Variants in ODC1 observed in about 807,000 individuals in gnomAD.
ODC1 encodes ornithine decarboxylase 1.
ODC1 carries 18 observed loss-of-function variants against 41.5 expected under a neutral mutation model. The observed-to-expected ratio is 0.43, with a 90% CI of 0.30 to 0.64. The LOEUF (loss-of-function observed/expected upper bound fraction) is 0.64, where lower values mean the gene tolerates loss of function less well. ODC1 is among the 30% of genes least tolerant of loss of function. The pLI is 0.11. For missense variants in ODC1, 504 were observed against 589.0 expected (o/e 0.86, Z 1.49); for synonymous variants, 218 against 211.6 (o/e 1.03, Z -0.26).
At position 10,440,135 on chromosome 2, in the gene ODC1, G is replaced by A. The variant is rs1213958754; in HGVS notation, c.*589C>T. 6.5e-6 allele frequency: 1 copy of A among 152,770 alleles called. No individual in the cohort carries two copies. The highest frequency in any genetic ancestry group is 2.4e-5 in the African/African-American group (1 of 41,466). The allele number at this position is 152,770 out of a possible 1,614,324, so 9.5% of individuals were successfully genotyped here. A position where few individuals can be genotyped will look rare whatever the true frequency, so the allele number is the denominator to read the frequency against. ...CTTCCCTGGGCACTGGCCTGGACAG[G>A]ACAGGTCCGTCAGACTTAAGTAGGT... On this transcript the variant is annotated 3_prime_UTR_variant, in exon 12 of 12. Coordinates refer to ENST00000234111, the MANE Select transcript of ODC1 (RefSeq NM_002539.3).
chr2:10,445,237 C>T lies in ODC1; in HGVS notation c.-100G>A, dbSNP rs1039313139. On this transcript the variant is annotated 5_prime_UTR_variant, in exon 2 of 12. Coordinates refer to ENST00000234111, the MANE Select transcript of ODC1 (RefSeq NM_002539.3). ...TCTCCAGGAATTCCAAATCCCTCTGCGTGTGCCCTTGGAACAGCAGTGACA... is the reference window on the plus strand; with the variant it reads ...TCTCCAGGAATTCCAAATCCCTCTGTGTGTGCCCTTGGAACAGCAGTGACA... 21 of 502,682 alleles carry T rather than the reference C, an allele frequency of 4.2e-5. No individual in the cohort carries two copies. Among genetic ancestry groups the T allele is most frequent in the South Asian group, 2.5e-4 (12 of 47,380 alleles). 31.1% of individuals were successfully genotyped at this position (502,682 alleles called of 1,614,324 possible).
At chr2:10,446,654 T>C (rs28362380) in intron 1 of ODC1, 29,361 of 307,362 alleles carry the variant, frequency 0.096, 1,796 homozygotes, top group East Asian at 0.21. Flanking sequence ...GAACCAGCTT[T>C]CTTAAAATTA....
chr2:10,447,541 TCA>T (rs1672066040), intron 1 of ODC1: 1 of 152,256 alleles, frequency 6.6e-6, no homozygotes, highest in East Asian at 1.9e-4. Context: ...ACCGAGTCAT[TCA>T]CAGTCCTTAA....
Position 10,444,075 on chromosome 2 carries a change from C to T in ODC1, c.449+20G>A, listed in dbSNP as rs1001393081. 6.4e-7 allele frequency: 1 copy of T among 1,564,724 alleles called. No individual in the cohort carries two copies. The highest frequency in any genetic ancestry group is 1.4e-5 in the African/African-American group (1 of 73,204). On this transcript the variant is annotated intron_variant, in intron 5 of 11. Transcript: ENST00000234111. The stretch of plus-strand genomic sequence containing the variant: ...TATCTTATGCTCCCGATCTTGCCCT[C>T]AGATGGGGGAATAACTCACTTTGCT...
intron 2 of ODC1, 52 bp downstream of exon 2, chr2:10,445,103 C>A: frequency 1.1e-6 from 1 of 905,704 alleles, no homozygotes; most frequent in Non-Finnish European, 1.8e-6. Flanking sequence ...GAAGCCTTAG[C>A]AATACAATTC....
rs185195027 is a variant in ODC1, at chr2:10,440,502, C to T, written c.*222G>A. On this transcript the variant is annotated 3_prime_UTR_variant, in exon 12 of 12. Transcript: ENST00000234111. ...GCAGCTGAGGGGCACTCTTGAGTAG[C>T]GTGTCTGAAGAGTGAATAAAAATCC... 39 of 433,040 alleles carry T rather than the reference C, an allele frequency of 9.0e-5. No homozygotes were observed. In the East Asian group the frequency reaches 1.0e-3, roughly 11 times the overall value. 26.8% of individuals were successfully genotyped at this position (433,040 alleles called of 1,614,324 possible).
In ODC1 at chr2:10,448,162, C is replaced by A. The variant is rs1672099692; in HGVS notation, c.-169G>T. The A allele has an allele frequency of 5.5e-6, 1 of 180,548 alleles. No individual in the cohort carries two copies. The highest frequency in any genetic ancestry group is 2.4e-5 in the African/African-American group (1 of 41,948). 11.2% of individuals were successfully genotyped at this position (180,548 alleles called of 1,614,324 possible). A position where few individuals can be genotyped will look rare whatever the true frequency, so the allele number is the denominator to read the frequency against. On this transcript the variant is annotated 5_prime_UTR_variant, in exon 1 of 12. Coordinates refer to ENST00000234111, the MANE Select transcript of ODC1 (RefSeq NM_002539.3). ...GCCGCAGGCCAGCCCCATGGGGAAG[C>A]GCAGACGCCGGAGCCTGAGTCGCAG...
chr2:10,444,234 G>C lies in ODC1; in HGVS notation c.310C>G (p.Pro104Ala), dbSNP rs1352175694. 6.2e-7 allele frequency: 1 copy of C among 1,607,228 alleles called. No individual in the cohort carries two copies. Among genetic ancestry groups the C allele is most frequent in the Admixed American group, 1.7e-5 (1 of 58,398 alleles). Residue 104 changes from proline to alanine, a missense_variant, in exon 5 of 12, where the codon CCT (proline) becomes GCT (alanine). By Grantham distance (27) the Pro-to-Ala change is conservative. This residue lies in a region of ODC1 where 447 missense variants were observed against 524.4 expected (regional missense o/e 0.85). Transcript: ENST00000234111. ...TTTGCATAGATAATCCTCTCTGGAG[G>C]CACCCCCAGACTCTGCACCAACTGT... ...EIQLVQSLGV[P>A]PERIIYANPC...
Position 10,442,120 on chromosome 2 carries a change from C to A in ODC1, c.805G>T (p.Val269Leu). 6.2e-7 allele frequency: 1 copy of A among 1,614,092 alleles called. No homozygotes were observed. The highest frequency in any genetic ancestry group is 8.5e-7 in the Non-Finnish European group (1 of 1,179,996). Residue 269 changes from valine (V) to leucine (L), a missense_variant, in exon 9 of 12, where the codon GTG becomes TTG. By Grantham distance (32) the Val-to-Leu change is conservative. Transcript: ENST00000234111. The part of the protein sequence containing the change: ...LDKYFPSDSG[V>L]RIIAEPGRYY... The stretch of plus-strand genomic sequence containing the variant: ...CTGCCGGGCTCAGCTATGATTCTCA[C>A]TCCAGAGTCTGACGGAAAGTATTTG...
In ODC1 at chr2:10,443,262, C is replaced by T. The variant is rs778007589; in HGVS notation, c.718G>A (p.Gly240Arg). 8 of 1,612,670 alleles carry T rather than the reference C, an allele frequency of 5.0e-6. No individual in the cohort carries two copies. The highest frequency in any genetic ancestry group is 6.8e-6 in the Non-Finnish European group (8 of 1,179,718). The part of the protein sequence containing the change: ...YLLDIGGGFP[G>R]SEDVKLKFEE... ...AATTTAAGTTTCACATCCTCAGATC[C>T]AGGAAAGCCACCGCCAATATCAAGC... Residue 240 changes from glycine to arginine, a missense_variant, in exon 8 of 12, where the codon GGA becomes AGA. By Grantham distance (125) the Gly-to-Arg change is moderately radical (BLOSUM62 -2). Coordinates refer to ENST00000234111, the MANE Select transcript of ODC1 (RefSeq NM_002539.3).
At chr2:10,447,730 C>G (rs1334199535) in intron 1 of ODC1, 1 of 152,046 alleles carries the variant, frequency 6.6e-6, no homozygotes, top group Non-Finnish European at 1.5e-5. Flanking sequence ...CTCGTCTGTA[C>G]CAAGGCGAGC....
chr2:10,444,563 T>A lies in ODC1; in HGVS notation c.187A>T (p.Thr63Ser), dbSNP rs1298934462. The change falls in exon 4 of 12, where the codon ACC becomes TCC. Residue 63 changes from threonine to serine, a missense_variant. Thr to Ser is a moderately conservative substitution (Grantham distance 58). Coordinates refer to ENST00000234111, the MANE Select transcript of ODC1 (RefSeq NM_002539.3). ...TTACATTTGACTGCATAAAAGGGGG[T>A]GACACGAGGGAGAGCTTTTAACCAC... ...LRWLKALPRV[T>S]PFYAVKCNDS... 4 of 1,613,840 alleles carry A rather than the reference T, an allele frequency of 2.5e-6. No individual in the cohort carries two copies. Among genetic ancestry groups the A allele is most frequent in the Non-Finnish European group, 3.4e-6 (4 of 1,179,980 alleles).
chr2:10,447,854 G>A (rs1231513707), intron 1 of ODC1: 1 of 152,238 alleles, frequency 6.6e-6, no homozygotes. Context: ...GGGCCGCAGG[G>A]TCTCCGGGTG....
chr2:10,443,330 A>AAGTC lies in ODC1; in HGVS notation c.667-21_667-18dup. 6.2e-7 allele frequency: 1 copy of AAGTC among 1,606,664 alleles called. No homozygotes were observed. The highest frequency in any genetic ancestry group is 8.5e-7 in the Non-Finnish European group (1 of 1,176,676). On this transcript the variant is annotated splice_polypyrimidine_tract_variant and intron_variant, in intron 7 of 11. Transcript: ENST00000234111. Reference sequence around the variant, plus strand: ...AACCTCAGCCTAGAATCAAGAAAATAAGTCAGCCAGATCCACAGCTAATAA... The same window carrying AAGTC: ...AACCTCAGCCTAGAATCAAGAAAATAAGTCAGTCAGCCAGATCCACAGCTAATAA...
intron 7 of ODC1, 66 bp from the exon 8 acceptor site, chr2:10,443,379 C>A: frequency 6.4e-7 from 1 of 1,563,026 alleles, no homozygotes. Context: ...AGCAGATAGG[C>A]TGAAACCCAT....
chr2:10,440,529 T>C lies in ODC1; in HGVS notation c.*195A>G, dbSNP rs1671785559. 3.8e-6 allele frequency: 2 copies of C among 530,838 alleles called. No homozygotes were observed. The highest frequency in any genetic ancestry group is 1.9e-5 in the African/African-American group (1 of 51,452). The allele number at this position is 530,838 out of a possible 1,614,324, so 32.9% of individuals were successfully genotyped here. On this transcript the variant is annotated 3_prime_UTR_variant, in exon 12 of 12. Coordinates refer to ENST00000234111, the MANE Select transcript of ODC1 (RefSeq NM_002539.3). ...TGTCTGAAGAGTGAATAAAAATCCA[T>C]ATAAAACAAATATTCAAATAGTTTC...
Position 10,443,766 on chromosome 2 carries a change from G to A in ODC1, c.520C>T (p.Leu174Phe). ...TCCAAAAGGAGCCTGCTGGTTCTGA[G>A]CGTGGCACCGAATTTCACACTGAGA... The part of the protein sequence containing the change: ...CRLSVKFGAT[L>F]RTSRLLLERA... The change falls in exon 6 of 12, where the codon CTC becomes TTC. Residue 174 changes from leucine to phenylalanine, a missense_variant. Around this residue, in one of 3 missense-constraint regions of ODC1, gnomAD observed 447 missense variants for 524.4 expected, o/e 0.85. Transcript: ENST00000234111. The A allele has an allele frequency of 6.2e-7, 1 of 1,614,212 alleles. No homozygotes were observed. The highest frequency in any genetic ancestry group is 8.5e-7 in the Non-Finnish European group (1 of 1,180,036).
chr2:10,441,984 C>T lies in ODC1; in HGVS notation c.913+28G>A, dbSNP rs115655138. The stretch of plus-strand genomic sequence containing the variant: ...CTTTTTGCATCAGCTTTCAGTTATA[C>T]ATGAAGTGATTCGTCCTTTATACAT... On this transcript the variant is annotated intron_variant, in intron 9 of 11. Transcript: ENST00000234111. 3.3e-3 allele frequency: 5,299 copies of T among 1,613,234 alleles called. 20 individuals carry two copies. Among genetic ancestry groups the T allele is most frequent in the Non-Finnish European group, 4.3e-3 (5,126 of 1,179,284 alleles).
intron 5 of ODC1, 118 bp from the exon 6 acceptor site, chr2:10,443,954 C>G: frequency 6.8e-7 from 1 of 1,480,996 alleles, no homozygotes; most frequent in Non-Finnish European, 9.2e-7. Context: ...AGTTTGAGTC[C>G]CAGGCTTCAT....
Sources: allele counts gnomAD v4.1 joint callset, GRCh38; gene constraint gnomAD v4.1.1; regional missense constraint gnomAD v4.1.1; transcripts MANE v1.5; gene names NCBI Gene and HGNC (gene_info 2026-07-23, HGNC 2026-07-21).